The following KREMEN1 variants were observed in gnomAD, a reference collection of about 807,000 sequenced individuals.
KREMEN1 encodes the protein kremen protein 1.
KREMEN1 carries 30 observed loss-of-function variants against 46.5 expected under a neutral mutation model. The ratio of observed to expected loss-of-function variants is 0.65; its 90% confidence interval spans 0.48 to 0.88. The LOEUF (loss-of-function observed/expected upper bound fraction) is 0.88, where lower values mean the gene tolerates loss of function less well. Ranked by LOEUF, KREMEN1 falls within the 40% of genes least tolerant of loss-of-function variation. The probability of loss-of-function intolerance (pLI) is 0.00; values close to 1 mark genes in which losing one functional copy is unlikely to be tolerated. For synonymous variants in KREMEN1, 214 were observed against 230.6 expected (o/e 0.93, Z 0.65); for missense variants, 533 against 596.9 (o/e 0.89, Z 1.11).
intron 3 of KREMEN1, among the ~76,000 whole-genome samples, chr22:29,106,106 T>C (rs1474145666): frequency 6.6e-6 from 1 of 152,190 alleles, no homozygotes; most frequent in Non-Finnish European, 1.5e-5. Flanking sequence ...TTATAGAAAA[T>C]GTTTTGTTTC....
At chr22:29,083,194 G>T (rs1318630914) in intron 1 of KREMEN1, among the ~76,000 whole-genome samples, 1 of 152,130 alleles carries the variant, frequency 6.6e-6, no homozygotes, top group Non-Finnish European at 1.5e-5. Context: ...ATCTAAGGTA[G>T]ATTTATTTGT....
Position 29,073,435 on chromosome 22 carries a change from G to C in KREMEN1, c.97+208G>C, listed in dbSNP as rs962976341. Among the ~76,000 whole-genome samples, 1 of 151,728 alleles carries C rather than the reference G, an allele frequency of 6.6e-6. No homozygotes were observed. Among genetic ancestry groups the C allele is most frequent in the Non-Finnish European group, 1.5e-5 (1 of 67,878 alleles). ...GCCCGTCATCGACGCCCCCGGGCCC[G>C]GTACTGTCCCCCGGCTGCAGGACCC... On this transcript the variant is annotated intron_variant, in intron 1 of 8. Transcript: ENST00000400335. This position sits in a 1 kb window ranked among gnomAD's most constrained non-coding sequence, Gnocchi z 4.4.
chr22:29,096,573 G>A (rs1312088357), intron 2 of KREMEN1, among the ~76,000 whole-genome samples: 2 of 152,186 alleles, frequency 1.3e-5, no homozygotes, highest in Admixed American at 1.3e-4. Flanking sequence ...TTGATGGAAT[G>A]CAGGAGACCT....
chr22:29,091,215 C>T (rs2037800032), intron 1 of KREMEN1, among the ~76,000 whole-genome samples: 2 of 152,164 alleles, frequency 1.3e-5, no homozygotes, highest in Non-Finnish European at 2.9e-5. Flanking sequence ...TCAGGTGATC[C>T]GCTCGCCTCG....
At position 29,144,316 on chromosome 22, in the gene KREMEN1, G is replaced by A; in HGVS notation, c.*2204G>A. The A allele has an allele frequency of 2.0e-6, 2 of 985,762 alleles. No homozygotes were observed. Among genetic ancestry groups the A allele is most frequent in the Non-Finnish European group, 2.4e-6 (2 of 830,170 alleles). 61.1% of individuals were successfully genotyped at this position (985,762 alleles called of 1,614,324 possible). ...TGTCTGCAGGGAGAGGTGGCACTCGGCAGCCTGAGTTCAGGAGAGGTGCTT... is the reference window on the plus strand; with the variant it reads ...TGTCTGCAGGGAGAGGTGGCACTCGACAGCCTGAGTTCAGGAGAGGTGCTT... On this transcript the variant is annotated 3_prime_UTR_variant, in exon 9 of 9. Transcript: ENST00000400335.
chr22:29,109,571 T>G (rs1354559052), intron 3 of KREMEN1, among the ~76,000 whole-genome samples: 1 of 152,016 alleles, frequency 6.6e-6, no homozygotes, highest in African/African-American at 2.4e-5. Flanking sequence ...AAGCACAGAA[T>G]TGATGAGTGT....
chr22:29,126,249 T>C (rs2038440892), intron 5 of KREMEN1, among the ~76,000 whole-genome samples: 1 of 152,212 alleles, frequency 6.6e-6, no homozygotes. Context: ...AAATGACATA[T>C]GGTTTATTAG....
At chr22:29,108,588 T>G (rs1465934543) in intron 3 of KREMEN1, among the ~76,000 whole-genome samples, 2 of 152,192 alleles carry the variant, frequency 1.3e-5, no homozygotes, top group African/African-American at 4.8e-5. Flanking sequence ...GATGGTATGC[T>G]CTCCCCAGGG....
chr22:29,112,842 G>A (rs769999014), intron 3 of KREMEN1, among the ~76,000 whole-genome samples: 16 of 152,264 alleles, frequency 1.1e-4, no homozygotes, highest in Non-Finnish European at 2.1e-4. Flanking sequence ...AAGCGCTAAG[G>A]GTGGGACACG....
intron 5 of KREMEN1, among the ~76,000 whole-genome samples, chr22:29,132,395 G>A (rs1303534591): frequency 1.3e-5 from 2 of 152,106 alleles, no homozygotes; most frequent in African/African-American, 4.8e-5. Context: ...CCTAGGAGTG[G>A]GATTGCTGGG....
In KREMEN1 at chr22:29,073,541, G is replaced by T. The variant is rs373032553; in HGVS notation, c.97+314G>T. Among the ~76,000 whole-genome samples the T allele has an allele frequency of 2.0e-5, 3 of 151,956 alleles. No homozygotes were observed. Among genetic ancestry groups the T allele is most frequent in the East Asian group, 3.9e-4 (2 of 5,120 alleles). Reference sequence around the variant, plus strand: ...CAAGACCCTCTGCGACGCCCCCCGGGCTGGGACATCTTCTCTGTCTCGGGA... The same window carrying T: ...CAAGACCCTCTGCGACGCCCCCCGGTCTGGGACATCTTCTCTGTCTCGGGA... On this transcript the variant is annotated intron_variant, in intron 1 of 8. Transcript: ENST00000400335. This position sits in a 1 kb window ranked among gnomAD's most constrained non-coding sequence, Gnocchi z 4.4.
At chr22:29,090,954 G>A (rs2037794505) in intron 1 of KREMEN1, among the ~76,000 whole-genome samples, 1 of 149,406 alleles carries the variant, frequency 6.7e-6, no homozygotes, top group African/African-American at 2.5e-5. Context: ...TCTCCATGAG[G>A]ACTGTCATGT....
intron 9 of KREMEN1, chr22:29,166,983 C>A: frequency 7.7e-7 from 1 of 1,293,448 alleles, no homozygotes. Context: ...TAACTGTTCT[C>A]TCCCTCCGTG....
chr22:29,141,901 C>T lies in KREMEN1; in HGVS notation c.1209-43C>T, dbSNP rs202069630. On this transcript the variant is annotated intron_variant, in intron 8 of 8. Transcript: ENST00000400335. ...ATCTCGTGAGATGGTAGGTTGTTTG[C>T]GTTGTTCTAATCTATTGGAAAAAAT... The T allele has an allele frequency of 8.6e-4, 1,253 of 1,464,628 alleles. 2 individuals carry two copies. Among genetic ancestry groups the T allele is most frequent in the Non-Finnish European group, 1.1e-3 (1,166 of 1,083,962 alleles). The allele number at this position is 1,464,628 out of a possible 1,614,324, so 90.7% of individuals were successfully genotyped here.
At chr22:29,112,747 A>G (rs2038172103) in intron 3 of KREMEN1, among the ~76,000 whole-genome samples, 1 of 152,256 alleles carries the variant, frequency 6.6e-6, no homozygotes, top group Non-Finnish European at 1.5e-5. Flanking sequence ...CCAAGCCACA[A>G]GGATTTCAAA....
At chr22:29,085,475 CAA>C (rs1183081574) in intron 1 of KREMEN1, among the ~76,000 whole-genome samples, 3 of 151,808 alleles carry the variant, frequency 2.0e-5, no homozygotes, top group Non-Finnish European at 4.4e-5. Flanking sequence ...GAAAAAAAAA[CAA>C]TAATTCCTTA....
At chr22:29,138,099 A>G (rs1426950402) in intron 6 of KREMEN1, among the ~76,000 whole-genome samples, 1 of 152,116 alleles carries the variant, frequency 6.6e-6, no homozygotes, top group Non-Finnish European at 1.5e-5. Context: ...ATGGAGCCAC[A>G]CTCTCTGCCT....
chr22:29,162,878 TTAGA>T (rs2039023435), intron 9 of KREMEN1, among the ~76,000 whole-genome samples: 2 of 152,170 alleles, frequency 1.3e-5, no homozygotes, highest in African/African-American at 2.4e-5. Flanking sequence ...CAATGGTGGA[TTAGA>T]TAAAGAAATC....
chr22:29,131,557 T>G (rs113617730), intron 5 of KREMEN1, among the ~76,000 whole-genome samples: 1 of 76,828 alleles, frequency 1.3e-5, no homozygotes, highest in African/African-American at 5.8e-5. Flanking sequence ...TATATATATA[T>G]ATATGTGTGT....
Sources: gnomAD v4.1 joint callset for allele counts (sites outside exome capture counted in the v4.1 genomes callset) on GRCh38, gnomAD v4.1.1 for gene constraint, Gnocchi (gnomAD v3.1) non-coding constraint, MANE v1.5 for transcripts, NCBI Gene and HGNC (gene_info 2026-07-23, HGNC 2026-07-21) for gene names.